Variants in ZNF33A observed in about 807,000 individuals in gnomAD.
ZNF33A encodes brain my041 protein.
A neutral mutation model predicts 15.9 loss-of-function variants in ZNF33A; 9 were observed. The ratio of observed to expected loss-of-function variants is 0.57; its 90% CI spans 0.34 to 0.99. The LOEUF (loss-of-function observed/expected upper bound fraction) is 0.99. Ranked by LOEUF, ZNF33A falls within the 50% of genes least tolerant of loss-of-function variation. The pLI, the probability that ZNF33A is intolerant of heterozygous loss-of-function variation, is 0.02. For synonymous variants in ZNF33A, 294 were observed against 324.2 expected, an observed-to-expected ratio of 0.91 and a Z score of 1.00; for missense variants, 843 against 941.6, an observed-to-expected ratio of 0.90 and a Z score of 1.37.
chr10:38,028,889 T>C (rs1003273765), intron 4 of ZNF33A, among the ~76,000 whole-genome samples: 11 of 152,238 alleles, frequency 7.2e-5, no homozygotes, highest in African/African-American at 2.7e-4. Flanking sequence ...ATTCTAAATT[T>C]ATGAAAATCT....
intron 2 of ZNF33A, among the ~76,000 whole-genome samples, chr10:38,013,077 G>T (rs1035247530): frequency 7.9e-5 from 12 of 152,074 alleles, no homozygotes; most frequent in African/African-American, 2.9e-4. Flanking sequence ...TTTGGATGTA[G>T]TGTTTGATCA....
chr10:38,064,161 C>T (rs755250026), downstream of ZNF33A: 14 of 1,575,108 alleles, frequency 8.9e-6, no homozygotes, highest in South Asian at 1.5e-4. Flanking sequence ...CTGCCTGCCA[C>T]ACCAGGACTG....
chr10:38,056,599 G>A lies in ZNF33A; in HGVS notation c.*39G>A. 3.3e-6 allele frequency: 5 copies of A among 1,526,602 alleles called. No homozygotes were observed. Among genetic ancestry groups the A allele is most frequent in the Non-Finnish European group, 4.4e-6 (5 of 1,143,570 alleles). 94.6% of individuals were successfully genotyped at this position (1,526,602 alleles called of 1,614,324 possible). On this transcript the variant is annotated 3_prime_UTR_variant, in exon 5 of 5. Coordinates refer to ENST00000432900, the MANE Select transcript of ZNF33A (RefSeq NM_006954.2). ...CACCTTATGTTACTCCAAAGTAATA[G>A]TAGGGGATAAACCCATAGACTACAA...
chr10:38,041,656 G>A (rs1334599526), intron 4 of ZNF33A, among the ~76,000 whole-genome samples: 2 of 152,084 alleles, frequency 1.3e-5, no homozygotes, highest in East Asian at 1.9e-4. Flanking sequence ...CAACATGCTA[G>A]AAGGAAATGC....
At chr10:38,039,846 G>A (rs1329039581) in intron 4 of ZNF33A, among the ~76,000 whole-genome samples, 10 of 151,224 alleles carry the variant, frequency 6.6e-5, no homozygotes, top group Admixed American at 5.9e-4. Flanking sequence ...ATCAGCTATT[G>A]TTTTTCTGTT....
chr10:38,049,918 G>C (rs2066122126), intron 4 of ZNF33A, among the ~76,000 whole-genome samples: 1 of 152,186 alleles, frequency 6.6e-6, no homozygotes, highest in Non-Finnish European at 1.5e-5. Context: ...CTGTGAGGAA[G>C]TGAGGAAATA....
At chr10:38,049,469 G>C (rs987290222) in intron 4 of ZNF33A, among the ~76,000 whole-genome samples, 1 of 152,022 alleles carries the variant, frequency 6.6e-6, no homozygotes, top group African/African-American at 2.4e-5. Flanking sequence ...TTTGTATTAT[G>C]TGCGTATATA....
chr10:38,014,564 T>A (rs1453511524), intron 2 of ZNF33A, among the ~76,000 whole-genome samples: 1 of 152,228 alleles, frequency 6.6e-6, no homozygotes, highest in African/African-American at 2.4e-5. Context: ...AGATTCCTTT[T>A]TTCATGTGGT....
intron 4 of ZNF33A, 134 bp downstream of exon 4, chr10:38,017,520 G>GAA: frequency 1.7e-6 from 1 of 599,306 alleles, no homozygotes; most frequent in Non-Finnish European, 2.9e-6. Context: ...AAGTGATGGA[G>GAA]AATATTGATT....
chr10:38,052,249 G>T (rs2066242528), intron 4 of ZNF33A, among the ~76,000 whole-genome samples: 1 of 151,696 alleles, frequency 6.6e-6, no homozygotes, highest in Non-Finnish European at 1.5e-5. Context: ...GAAAAATAAT[G>T]ACTATAATTA....
chr10:38,057,557 G>A lies in ZNF33A; in HGVS notation c.*997G>A, dbSNP rs1371795298. 1.0e-6 allele frequency: 1 copy of A among 984,738 alleles called. No homozygotes were observed. Among genetic ancestry groups the A allele is most frequent in the East Asian group, 1.1e-4 (1 of 8,820 alleles). 61.0% of individuals were successfully genotyped at this position (984,738 alleles called of 1,614,324 possible). A position where few individuals can be genotyped will look rare whatever the true frequency, so the allele number is the denominator to read the frequency against. On this transcript the variant is annotated 3_prime_UTR_variant, in exon 5 of 5. Coordinates refer to ENST00000432900, the MANE Select transcript of ZNF33A (RefSeq NM_006954.2). Reference sequence around the variant, plus strand: ...CAGGCCCATCCCAGATGTTTGTGATGTCCTGAAACAATTTAAAAGGAGACC... The same window carrying A: ...CAGGCCCATCCCAGATGTTTGTGATATCCTGAAACAATTTAAAAGGAGACC...
intron 4 of ZNF33A, among the ~76,000 whole-genome samples, chr10:38,026,379 G>C (rs2064989921): frequency 6.6e-6 from 1 of 152,218 alleles, no homozygotes; most frequent in Non-Finnish European, 1.5e-5. Context: ...CTGTCGCCCA[G>C]ACTGGAGTGC....
rs1311035432 is a variant in ZNF33A at position 38,057,658 on chromosome 10, A to T, written c.*1098A>T. ...TATCTAAAAAAAATCTATCCTGTAC[A>T]TGTGAAGATCTAGGCTCGCCTCCAT... On this transcript the variant is annotated 3_prime_UTR_variant, in exon 5 of 5. Coordinates refer to ENST00000432900, the MANE Select transcript of ZNF33A (RefSeq NM_006954.2). 1 of 985,350 alleles carries T rather than the reference A, an allele frequency of 1.0e-6. No homozygotes were observed. Among genetic ancestry groups the T allele is most frequent in the Non-Finnish European group, 1.2e-6 (1 of 829,946 alleles). 61.0% of individuals were successfully genotyped at this position (985,350 alleles called of 1,614,324 possible). A position where few individuals can be genotyped will look rare whatever the true frequency, so the allele number is the denominator to read the frequency against.
rs541678918 is a variant in ZNF33A, at chr10:38,023,846, A to C, written c.250+6460A>C. Among the ~76,000 whole-genome samples, 250 of 152,302 alleles carry C rather than the reference A, an allele frequency of 1.6e-3. 6 individuals are homozygous for C. Among genetic ancestry groups the C allele is most frequent in the South Asian group, 7.3e-3 (35 of 4,824 alleles). ...CATATGACATGATTGTATACGTAGA[A>C]TATTACAAGGAATCTTAGAAAAAAA... On this transcript the variant is annotated intron_variant, in intron 4 of 4. Coordinates refer to ENST00000432900, the MANE Select transcript of ZNF33A (RefSeq NM_006954.2).
At chr10:38,012,492 C>A in intron 2 of ZNF33A, 142 bp downstream of exon 2, 1 of 1,010,492 alleles carries the variant, frequency 9.9e-7, no homozygotes, top group Non-Finnish European at 1.4e-6. Context: ...AGTACAATGT[C>A]CCCATCTCGG....
chr10:38,037,256 G>A (rs1448484264), intron 4 of ZNF33A, among the ~76,000 whole-genome samples: 1 of 152,036 alleles, frequency 6.6e-6, no homozygotes, highest in African/African-American at 2.4e-5. Context: ...TGTGAGGAAA[G>A]GAATAATTTT....
intron 4 of ZNF33A, among the ~76,000 whole-genome samples, chr10:38,045,454 T>C (rs2065907950): frequency 6.6e-6 from 1 of 152,208 alleles, no homozygotes; most frequent in Non-Finnish European, 1.5e-5. Flanking sequence ...GGACCATATG[T>C]TGCTCTTAGT....
In ZNF33A at chr10:38,060,006, C is replaced by G; in HGVS notation, c.*3446C>G. ...TGCTCAACTTTCTGTAACCCTAAAG[C>G]TACTCTAAAAAATGAAGTGTATCAA... On this transcript the variant is annotated 3_prime_UTR_variant, in exon 5 of 5. Coordinates refer to ENST00000432900, the MANE Select transcript of ZNF33A (RefSeq NM_006954.2). 1.0e-6 allele frequency: 1 copy of G among 969,894 alleles called. No homozygotes were observed. Among genetic ancestry groups the G allele is most frequent in the Non-Finnish European group, 1.2e-6 (1 of 815,854 alleles). The allele number at this position is 969,894 out of a possible 1,614,324, so 60.1% of individuals were successfully genotyped here. A position where few individuals can be genotyped will look rare whatever the true frequency, so the allele number is the denominator to read the frequency against.
intron 4 of ZNF33A, among the ~76,000 whole-genome samples, chr10:38,027,785 T>C (rs1267409710): frequency 2.0e-5 from 3 of 152,194 alleles, no homozygotes. Flanking sequence ...CGACCCTTTA[T>C]TCATATATAG....
Sources: gnomAD v4.1 joint callset for allele counts (sites outside exome capture counted in the v4.1 genomes callset) on GRCh38, gnomAD v4.1.1 for gene constraint, MANE v1.5 for transcripts, NCBI Gene and HGNC (gene_info 2026-07-23, HGNC 2026-07-21) for gene names.